Variants in MLLT1 observed in about 807,000 individuals in gnomAD.
The protein encoded by MLLT1 is protein ENL.
In MLLT1, 11 loss-of-function variants were observed where a neutral mutation model predicts 55.1. That is an observed-to-expected ratio of 0.20 (90% CI 0.13 to 0.33). MLLT1 has a LOEUF of 0.33. Among genes scored for constraint, MLLT1 ranks in the 10% least tolerant of loss-of-function variants. The pLI, the probability that MLLT1 is intolerant of heterozygous loss-of-function variation, is 1.00. For missense variants in MLLT1, 536 were observed against 760.6 expected, an observed-to-expected ratio of 0.70 and a Z score of 3.47; for synonymous variants, 323 against 320.1, an observed-to-expected ratio of 1.01 and a Z score of -0.10.
chr19:6,279,086 C>G (rs1355164741), intron 1 of MLLT1, among the ~76,000 whole-genome samples: 1 of 151,888 alleles, frequency 6.6e-6, no homozygotes, highest in Non-Finnish European at 1.5e-5. Flanking sequence ...AGGCTCAGGT[C>G]CAGGTAGGGG....
At chr19:6,218,900 G>T (rs2090870683) in intron 6 of MLLT1, among the ~76,000 whole-genome samples, 1 of 152,170 alleles carries the variant, frequency 6.6e-6, no homozygotes, top group South Asian at 2.1e-4. Flanking sequence ...CCTCACCTTG[G>T]GGGCCCGTCT....
At chr19:6,232,577 G>GA (rs2091022053) in intron 3 of MLLT1, among the ~76,000 whole-genome samples, 1 of 152,210 alleles carries the variant, frequency 6.6e-6, no homozygotes, top group African/African-American at 2.4e-5. Context: ...AGGAAAATTA[G>GA]ATCACGTGAA....
In MLLT1 at chr19:6,219,060, T is replaced by G. The variant is rs1173490316; in HGVS notation, c.1111-1019A>C. ...AGCCGTGAACGGAGTACTGAGCTGG[T>G]GGGACTCAGGACCTTGAGTGCCTGG... On this transcript the variant is annotated intron_variant, in intron 6 of 11. Transcript: ENST00000252674. The surrounding 1 kb of genome is among the most constrained non-coding windows in gnomAD (Gnocchi z 4.5). Among the ~76,000 whole-genome samples, 1 of 152,008 alleles carries G rather than the reference T, an allele frequency of 6.6e-6. No individual in the cohort carries two copies. Among genetic ancestry groups the G allele is most frequent in the Non-Finnish European group, 1.5e-5 (1 of 67,958 alleles).
At chr19:6,245,093 C>A (rs2091154574) in intron 3 of MLLT1, among the ~76,000 whole-genome samples, 1 of 152,142 alleles carries the variant, frequency 6.6e-6, no homozygotes, top group South Asian at 2.1e-4. Flanking sequence ...ATAATCTCAA[C>A]ACTCTGGGAG....
intron 3 of MLLT1, among the ~76,000 whole-genome samples, chr19:6,232,211 G>A (rs940789124): frequency 2.6e-5 from 4 of 152,204 alleles, no homozygotes; most frequent in African/African-American, 9.7e-5. Flanking sequence ...ACTCCAGCCT[G>A]GGCGACAGAG....
chr19:6,235,338 C>T lies in MLLT1; in HGVS notation c.277-4625G>A, dbSNP rs1195851022. 1.3e-5 allele frequency among the ~76,000 whole-genome samples: 2 copies of T among 152,218 alleles called. No individual in the cohort carries two copies. The highest frequency in any genetic ancestry group is 4.8e-5 in the African/African-American group (2 of 41,448). ...ACACCAGCAGGAGCCTGGCCACGGT[C>T]CTGCCTCCTAGGCCTCAGGTTCCTC... On this transcript the variant is annotated intron_variant, in intron 3 of 11. Transcript: ENST00000252674. The surrounding 1 kb of genome is among the most constrained non-coding windows in gnomAD (Gnocchi z 5.5).
At chr19:6,276,287 G>C (rs543916906) in intron 1 of MLLT1, among the ~76,000 whole-genome samples, 1 of 152,234 alleles carries the variant, frequency 6.6e-6, no homozygotes, top group South Asian at 2.1e-4. Flanking sequence ...GGAGCTTTTC[G>C]GGCAGGTTTG....
intron 3 of MLLT1, among the ~76,000 whole-genome samples, chr19:6,233,782 T>C (rs2144883927): frequency 6.6e-6 from 1 of 152,302 alleles, no homozygotes; most frequent in East Asian, 1.9e-4. Context: ...AGCAACTGAA[T>C]GTATCCCTAA....
At chr19:6,216,741 T>C (rs2090848531) in intron 7 of MLLT1, 4 of 551,080 alleles carry the variant, frequency 7.3e-6, no homozygotes, top group Non-Finnish European at 1.3e-5. Flanking sequence ...CCTACCTTCC[T>C]GGCCCTGCTC....
chr19:6,272,077 G>A (rs984802237), intron 1 of MLLT1, among the ~76,000 whole-genome samples: 3 of 151,228 alleles, frequency 2.0e-5, no homozygotes, highest in African/African-American at 7.3e-5. Flanking sequence ...AGATCCTATC[G>A]CCCCCACCCC....
chr19:6,267,385 G>A (rs1249333360), intron 2 of MLLT1, among the ~76,000 whole-genome samples: 3 of 135,716 alleles, frequency 2.2e-5, no homozygotes, highest in Admixed American at 7.9e-5. Flanking sequence ...ATGAACCACC[G>A]CACCCGGCCA....
At chr19:6,233,385 G>A (rs1222157371) in intron 3 of MLLT1, among the ~76,000 whole-genome samples, 1 of 152,228 alleles carries the variant, frequency 6.6e-6, no homozygotes, top group Admixed American at 6.5e-5. Context: ...AGGCCAGCGG[G>A]TGTGGCCGAC....
In MLLT1 at chr19:6,256,927, G is replaced by T. The variant is rs2091262075; in HGVS notation, c.276+5301C>A. Among the ~76,000 whole-genome samples, 1 of 152,148 alleles carries T rather than the reference G, an allele frequency of 6.6e-6. No individual in the cohort carries two copies. Among genetic ancestry groups the T allele is most frequent in the Non-Finnish European group, 1.5e-5 (1 of 68,038 alleles). Reference sequence around the variant, plus strand: ...AACAACGCTCTAACACCACTCGATGGCGAAAGAACAGTCTCTTCAGTGAAC... The same window carrying T: ...AACAACGCTCTAACACCACTCGATGTCGAAAGAACAGTCTCTTCAGTGAAC... On this transcript the variant is annotated intron_variant, in intron 3 of 11. Transcript: ENST00000252674. The surrounding 1 kb of genome is among the most constrained non-coding windows in gnomAD (Gnocchi z 4.1).
intron 6 of MLLT1, among the ~76,000 whole-genome samples, chr19:6,220,014 C>T (rs2090881032): frequency 6.6e-6 from 1 of 152,262 alleles, no homozygotes; most frequent in Non-Finnish European, 1.5e-5. Flanking sequence ...GCGGAGCAGA[C>T]TGGGTCCACG....
At chr19:6,279,206 AAGAC>A (rs987431807) in intron 1 of MLLT1, among the ~76,000 whole-genome samples, 18 of 151,982 alleles carry the variant, frequency 1.2e-4, no homozygotes, top group African/African-American at 4.3e-4. Context: ...GGTTGAAGGG[AAGAC>A]AGACAGCAGG....
At chr19:6,272,246 G>A (rs369475142) in intron 1 of MLLT1, among the ~76,000 whole-genome samples, 3 of 152,148 alleles carry the variant, frequency 2.0e-5, no homozygotes, top group Non-Finnish European at 4.4e-5. Context: ...GCACACAGGC[G>A]CACACGTGCA....
At chr19:6,245,721 C>G (rs186019014) in intron 3 of MLLT1, among the ~76,000 whole-genome samples, 1 of 140,110 alleles carries the variant, frequency 7.1e-6, no homozygotes, top group East Asian at 2.0e-4. Flanking sequence ...AAAAAATAAA[C>G]AAATAAAATT....
In MLLT1 at chr19:6,262,160, C is replaced by T. The variant is rs992824603; in HGVS notation, c.276+68G>A. The stretch of plus-strand genomic sequence containing the variant: ...CCAGTTCTCTGGCCTGTTTTGTGAA[C>T]TGCCGTGGCACCCGGAGCAGGGGTC... On this transcript the variant is annotated intron_variant, in intron 3 of 11. Transcript: ENST00000252674. The surrounding 1 kb of genome is among the most constrained non-coding windows in gnomAD (Gnocchi z 4.4). 1.1e-5 allele frequency: 14 copies of T among 1,269,598 alleles called. No homozygotes were observed. The highest frequency in any genetic ancestry group is 2.9e-5 in the African/African-American group (2 of 68,164). The allele number at this position is 1,269,598 out of a possible 1,614,324, so 78.6% of individuals were successfully genotyped here.
chr19:6,277,619 C>A (rs1410117101), intron 1 of MLLT1, among the ~76,000 whole-genome samples: 1 of 152,170 alleles, frequency 6.6e-6, no homozygotes, highest in Non-Finnish European at 1.5e-5. Context: ...ACCAGGAATG[C>A]CACCCATTTC....
Sources: allele counts gnomAD v4.1 joint callset (sites outside exome capture counted in the v4.1 genomes callset), GRCh38; gene constraint gnomAD v4.1.1; non-coding constraint Gnocchi (gnomAD v3.1); transcripts MANE v1.5; gene names NCBI Gene and HGNC (gene_info 2026-07-23, HGNC 2026-07-21).